Variants in CEP104 observed in about 807,000 individuals in gnomAD.
CEP104 encodes centrosomal protein 104.
A neutral mutation model predicts 113.3 loss-of-function variants in CEP104; 84 were observed. The observed-to-expected ratio is 0.74, with a 90% CI of 0.62 to 0.89. The LOEUF (loss-of-function observed/expected upper bound fraction) is 0.89. Ranked by LOEUF, CEP104 falls within the 40% of genes least tolerant of loss-of-function variation. The pLI, the probability that CEP104 is intolerant of heterozygous loss-of-function variation, is 0.00. For missense variants in CEP104, 1,053 were observed against 1,156.6 expected (o/e 0.91, Z 1.30); for synonymous variants, 378 against 421.7 (o/e 0.90, Z 1.27).
rs1334751491 is a variant in CEP104, at chr1:3,836,406, C to T, written c.1317+89G>A. 3.6e-6 allele frequency: 5 copies of T among 1,372,538 alleles called. No individual in the cohort carries two copies. In the Admixed American group the frequency reaches 7.5e-5, roughly 21 times the overall value. 85.0% of individuals were successfully genotyped at this position (1,372,538 alleles called of 1,614,324 possible). A position where few individuals can be genotyped will look rare whatever the true frequency, so the allele number is the denominator to read the frequency against. On this transcript the variant is annotated intron_variant, in intron 10 of 21. Coordinates refer to ENST00000378230, the MANE Select transcript of CEP104 (RefSeq NM_014704.4). ...TGCAAAGCCGTGGGCGTTTTCCCTCCTTTATGTGTAAGTACACAGAGGTGT... is the reference window on the plus strand; with the variant it reads ...TGCAAAGCCGTGGGCGTTTTCCCTCTTTTATGTGTAAGTACACAGAGGTGT...
At chr1:3,836,430 G>C in intron 10 of CEP104, 65 bp downstream of exon 10, 1 of 1,513,422 alleles carries the variant, frequency 6.6e-7, no homozygotes, top group Non-Finnish European at 8.9e-7. Context: ...ACACAGAGGT[G>C]TGCGTACCAT....
In CEP104 at chr1:3,848,596, T is replaced by C. The variant is rs770624820; in HGVS notation, c.287+12A>G. 1 of 1,599,012 alleles carries C rather than the reference T, an allele frequency of 6.3e-7. No homozygotes were observed. Among genetic ancestry groups the C allele is most frequent in the Admixed American group, 1.8e-5 (1 of 55,292 alleles). On this transcript the variant is annotated intron_variant, in intron 3 of 21. Coordinates refer to ENST00000378230, the MANE Select transcript of CEP104 (RefSeq NM_014704.4). ...AAAAGCTGCCATGATACATTTTAAATTTCATTCTTACCCAAGTCTTCGAAA... is the reference window on the plus strand; with the variant it reads ...AAAAGCTGCCATGATACATTTTAAACTTCATTCTTACCCAAGTCTTCGAAA...
chr1:3,816,158 A>G, intron 21 of CEP104, 122 bp downstream of exon 21: 1 of 766,916 alleles, frequency 1.3e-6, no homozygotes. Flanking sequence ...ACAGGCTTGG[A>G]TGCTTTATTT....
At chr1:3,816,160 G>A in intron 21 of CEP104, 120 bp downstream of exon 21, 2 of 769,794 alleles carry the variant, frequency 2.6e-6, no homozygotes, top group Non-Finnish European at 4.1e-6. Context: ...AGGCTTGGAT[G>A]CTTTATTTTG....
At chr1:3,851,575 G>C (rs1644612254) in intron 2 of CEP104, among the ~76,000 whole-genome samples, 1 of 152,078 alleles carries the variant, frequency 6.6e-6, no homozygotes, top group Non-Finnish European at 1.5e-5. Flanking sequence ...TGCATGAAGG[G>C]GCTCAGCTGT....
intron 7 of CEP104, 110 bp downstream of exon 7, chr1:3,839,498 C>T (rs2124677407): frequency 9.7e-7 from 1 of 1,029,114 alleles, no homozygotes; most frequent in Admixed American, 2.4e-5. Flanking sequence ...TGAACTCACA[C>T]TAACTTCACG....
Position 3,847,628 on chromosome 1 carries a change from A to G in CEP104, c.288-15T>C. 1.2e-6 allele frequency: 2 copies of G among 1,614,028 alleles called. No homozygotes were observed. Among genetic ancestry groups the G allele is most frequent in the African/African-American group, 1.3e-5 (1 of 75,050 alleles). On this transcript the variant is annotated splice_polypyrimidine_tract_variant and intron_variant, in intron 3 of 21. Coordinates refer to ENST00000378230, the MANE Select transcript of CEP104 (RefSeq NM_014704.4). Reference sequence around the variant, plus strand: ...GAGACACGTAGCTGAAAAACAAAACACAACTGAAGAATTTGAAAATGTGCT... The same window carrying G: ...GAGACACGTAGCTGAAAAACAAAACGCAACTGAAGAATTTGAAAATGTGCT...
rs1644173662 is a variant in CEP104 at position 3,830,098 on chromosome 1, A to G, written c.1837-101T>C. On this transcript the variant is annotated intron_variant, in intron 13 of 21. Coordinates refer to ENST00000378230, the MANE Select transcript of CEP104 (RefSeq NM_014704.4). ...TATAAACATGTGAAAAATAAAAGAG[A>G]AAACATCCGTATTAAGTATTATGAA... 6 of 826,236 alleles carry G rather than the reference A, an allele frequency of 7.3e-6. No individual in the cohort carries two copies. The South Asian group carries it at 7.8e-5, about 11-fold the overall frequency. 51.2% of individuals were successfully genotyped at this position (826,236 alleles called of 1,614,324 possible). A position where few individuals can be genotyped will look rare whatever the true frequency, so the allele number is the denominator to read the frequency against.
chr1:3,847,492 A>G lies in CEP104; in HGVS notation c.409T>C (p.Tyr137His), dbSNP rs745912341. 1.2e-6 allele frequency: 2 copies of G among 1,607,010 alleles called. No individual in the cohort carries two copies. Among genetic ancestry groups the G allele is most frequent in the African/African-American group, 2.7e-5 (2 of 74,530 alleles). Residue 137 changes from tyrosine (Y) to histidine (H), a missense_variant, in exon 4 of 22, where the codon TAC (tyrosine) becomes CAC (histidine). Tyr to His is a moderately conservative substitution (Grantham distance 83, BLOSUM62 2). Transcript: ENST00000378230. ...CATCTTACCTGATTATATATGTTGTATTTGTTGACATGGTTTTGGTGAAAA... is the reference window on the plus strand; with the variant it reads ...CATCTTACCTGATTATATATGTTGTGTTTGTTGACATGGTTTTGGTGAAAA... ...LIFHQNHVNK[Y>H]NIYNQVALVA... is the part of the protein sequence containing the mutation.
chr1:3,818,145 C>T (rs895889087), intron 20 of CEP104, among the ~76,000 whole-genome samples: 6 of 152,352 alleles, frequency 3.9e-5, no homozygotes, highest in Admixed American at 3.3e-4. Context: ...CAGGACGCCA[C>T]CCTCGTCAGG....
chr1:3,839,485 C>T (rs945795337), intron 7 of CEP104, 123 bp downstream of exon 7: 3 of 905,522 alleles, frequency 3.3e-6, no homozygotes, highest in Non-Finnish European at 3.4e-6. Flanking sequence ...TTGCTGAGAT[C>T]TTTGAACTCA....
Position 3,837,361 on chromosome 1 carries a change from T to C in CEP104, c.1050A>G (p.Leu350=), listed in dbSNP as rs1207472687. 2.5e-6 allele frequency: 4 copies of C among 1,613,988 alleles called. No homozygotes were observed. The African/African-American group carries it at 4.0e-5, about 16-fold the overall frequency. Residue 350 remains leucine (L), a synonymous_variant, in exon 9 of 22, where the codon CTA becomes CTG. Coordinates refer to ENST00000378230, the MANE Select transcript of CEP104 (RefSeq NM_014704.4). ...FLQEKPSSYS[L]TISPQHSAVD... is the part of the protein sequence containing the mutation. The stretch of plus-strand genomic sequence containing the variant: ...CTGCAGAATGCTGAGGAGAAATAGT[T>C]AGAGAATATGATGAAGGCTTTTCCT...
intron 20 of CEP104, among the ~76,000 whole-genome samples, chr1:3,821,136 C>A (rs1643964095): frequency 6.6e-6 from 1 of 152,244 alleles, no homozygotes; most frequent in African/African-American, 2.4e-5. Context: ...TAATGGGAAC[C>A]AGGCCTCTGT....
chr1:3,850,101 C>T (rs1301948006), intron 2 of CEP104, among the ~76,000 whole-genome samples: 1 of 152,202 alleles, frequency 6.6e-6, no homozygotes, highest in South Asian at 2.1e-4. Context: ...TAGGCTGTAC[C>T]ATCTGGGTTT....
intron 2 of CEP104, among the ~76,000 whole-genome samples, chr1:3,851,865 TC>T (rs1644617769): frequency 6.6e-6 from 1 of 152,166 alleles, no homozygotes; most frequent in Non-Finnish European, 1.5e-5. Flanking sequence ...GAAAGACATA[TC>T]TTTTGGTTAA....
intron 6 of CEP104, among the ~76,000 whole-genome samples, chr1:3,840,517 C>T (rs1644393338): frequency 6.6e-6 from 1 of 152,066 alleles, no homozygotes; most frequent in Non-Finnish European, 1.5e-5. Context: ...GGATTATAGG[C>T]CTGAGCCACT....
intron 9 of CEP104, chr1:3,837,023 T>G (rs1003177972): frequency 1.5e-5 from 8 of 519,842 alleles, no homozygotes; most frequent in Admixed American, 1.1e-4. Flanking sequence ...CATCTTTTTT[T>G]CTGACAAGAT....
At chr1:3,846,724 T>C (rs993402641) in intron 4 of CEP104, among the ~76,000 whole-genome samples, 1 of 152,192 alleles carries the variant, frequency 6.6e-6, no homozygotes, top group Non-Finnish European at 1.5e-5. Flanking sequence ...ACCTTTGCGC[T>C]CTTGTCCAGC....
intron 18 of CEP104, among the ~76,000 whole-genome samples, chr1:3,824,286 G>A (rs1283563301): frequency 1.3e-5 from 2 of 152,084 alleles, no homozygotes; most frequent in South Asian, 2.1e-4. Flanking sequence ...GGGTTTCTCC[G>A]TGTTGGTCAG....
Sources: gnomAD v4.1 joint callset for allele counts (sites outside exome capture counted in the v4.1 genomes callset) on GRCh38, gnomAD v4.1.1 for gene constraint, MANE v1.5 for transcripts, NCBI Gene and HGNC (gene_info 2026-07-23, HGNC 2026-07-21) for gene names.